The following PLEKHH2 variants were observed in gnomAD, a reference collection of about 807,000 sequenced individuals.
PLEKHH2 encodes the protein pleckstrin homology, MyTH4 and FERM domain containing H2, also known as pleckstrin homology domain-containing family H member 2.
In PLEKHH2, 129 loss-of-function variants were observed where a neutral mutation model predicts 187.9. The observed-to-expected ratio is 0.69, with a 90% confidence interval of 0.59 to 0.79. The LOEUF (loss-of-function observed/expected upper bound fraction) is 0.79, where lower values mean the gene tolerates loss of function less well. PLEKHH2 is among the 30% of genes least tolerant of loss of function. The pLI is 0.00. For missense variants in PLEKHH2, 2,076 were observed against 1,751.2 expected (o/e 1.19, Z -3.31); for synonymous variants, 686 against 605.6 (o/e 1.13, Z -1.95).
chr2:43,681,578 C>A, intron 3 of PLEKHH2: 1 of 945,004 alleles, frequency 1.1e-6, no homozygotes, highest in Non-Finnish European at 1.7e-6. Flanking sequence ...ACCTTCGGCA[C>A]TCATGACTAG....
chr2:43,757,299 G>A, intron 26 of PLEKHH2, 35 bp downstream of exon 26: 1 of 1,402,766 alleles, frequency 7.1e-7, no homozygotes, highest in Non-Finnish European at 9.4e-7. Context: ...ATAGGGTAGG[G>A]TCATACTAGT....
At chr2:43,712,488 T>A in intron 15 of PLEKHH2, 105 bp downstream of exon 15, 2 of 1,321,670 alleles carry the variant, frequency 1.5e-6, no homozygotes, top group Non-Finnish European at 2.1e-6. Flanking sequence ...AATATTGATA[T>A]GATCTTGGGG....
chr2:43,759,071 T>G, intron 27 of PLEKHH2, 42 bp downstream of exon 27: 2 of 1,582,278 alleles, frequency 1.3e-6, no homozygotes, highest in Non-Finnish European at 1.7e-6. Context: ...AAAACCTTTG[T>G]GTACATAGTT....
chr2:43,719,023 A>G (rs1313309516), intron 15 of PLEKHH2, among the ~76,000 whole-genome samples: 1 of 152,218 alleles, frequency 6.6e-6, no homozygotes, highest in Non-Finnish European at 1.5e-5. Context: ...TGAGGACGGA[A>G]GCATTTATTG....
intron 1 of PLEKHH2, among the ~76,000 whole-genome samples, chr2:43,642,839 G>A (rs78324357): frequency 0.026 from 3,973 of 152,110 alleles, 54 homozygotes; most frequent in South Asian, 0.063. Flanking sequence ...GTAGGACATA[G>A]GCAAGTTATT....
chr2:43,668,142 C>T (rs556073571), intron 2 of PLEKHH2, among the ~76,000 whole-genome samples: 2 of 152,202 alleles, frequency 1.3e-5, no homozygotes, highest in South Asian at 4.1e-4. Context: ...AAGTGATTCT[C>T]CTGCCTCAGC....
At position 43,740,952 on chromosome 2, in the gene PLEKHH2, C is replaced by A. The variant is rs1007105597; in HGVS notation, c.3130C>A (p.Gln1044Lys). The change falls in exon 21 of 30, where the codon CAG becomes AAG. Residue 1044 changes from glutamine (Q) to lysine (K), a missense_variant. Physicochemically the swap from Gln to Lys is moderately conservative, Grantham distance 53. Transcript: ENST00000282406. ...QNQPGPLQGW[Q>K]LLALCVGLFL... ...GGTGCTTCTCCCTGCCCAGGGCTGG[C>A]AGCTCTTGGCACTCTGCGTTGGGCT... 6.2e-7 allele frequency: 1 copy of A among 1,613,626 alleles called. No individual in the cohort carries two copies. Among genetic ancestry groups the A allele is most frequent in the Admixed American group, 1.7e-5 (1 of 59,980 alleles).
chr2:43,698,737 A>G (rs1396940319), intron 7 of PLEKHH2, among the ~76,000 whole-genome samples: 2 of 152,140 alleles, frequency 1.3e-5, no homozygotes, highest in Non-Finnish European at 2.9e-5. Flanking sequence ...GGTCCTGTCT[A>G]TGTTTTCATG....
At chr2:43,686,166 TTCTTC>T (rs1668493785) in intron 3 of PLEKHH2, among the ~76,000 whole-genome samples, 1 of 151,612 alleles carries the variant, frequency 6.6e-6, no homozygotes, top group African/African-American at 2.4e-5. Context: ...TTCCTCTTCC[TTCTTC>T]CTCTTCCTCT....
At chr2:43,660,435 CTTTT>C (rs747756407) in intron 2 of PLEKHH2, among the ~76,000 whole-genome samples, 4 of 72,210 alleles carry the variant, frequency 5.5e-5, no homozygotes, top group African/African-American at 9.6e-5. Context: ...ATATGTTTAA[CTTTT>C]TTTTTTTTTT....
intron 24 of PLEKHH2, among the ~76,000 whole-genome samples, chr2:43,748,777 A>G (rs1488567203): frequency 6.7e-6 from 1 of 149,238 alleles, no homozygotes; most frequent in African/African-American, 2.5e-5. Context: ...TTTTTTTGAG[A>G]CAGAACTTCA....
chr2:43,706,384 A>G lies in PLEKHH2; in HGVS notation c.1789A>G (p.Met597Val). 2 of 1,605,758 alleles carry G rather than the reference A, an allele frequency of 1.2e-6. No homozygotes were observed. The highest frequency in any genetic ancestry group is 2.2e-5 in the East Asian group (1 of 44,810). The change falls in exon 10 of 30, where the codon ATG becomes GTG. Residue 597 changes from methionine (M) to valine (V), a missense_variant. Coordinates refer to ENST00000282406, the MANE Select transcript of PLEKHH2 (RefSeq NM_172069.4). ...TTATACATCTCTGATATACAAGAAC[A>G]TGACCACCCCAGTGTATACAACTTT... ...GLYTSLIYKN[M>V]TTPVYTTLKG...
chr2:43,674,050 G>A (rs1045350672), intron 2 of PLEKHH2, among the ~76,000 whole-genome samples: 1 of 152,086 alleles, frequency 6.6e-6, no homozygotes, highest in Non-Finnish European at 1.5e-5. Flanking sequence ...GGTACTTTAG[G>A]CATGACAGAG....
chr2:43,699,095 C>A (rs1421039335), intron 7 of PLEKHH2, among the ~76,000 whole-genome samples: 1 of 152,048 alleles, frequency 6.6e-6, no homozygotes, highest in Non-Finnish European at 1.5e-5. Context: ...CATTTTCTTT[C>A]CTTCTAAAAT....
At chr2:43,652,130 A>G (rs754478128) in intron 2 of PLEKHH2, among the ~76,000 whole-genome samples, 3 of 152,272 alleles carry the variant, frequency 2.0e-5, no homozygotes, top group South Asian at 2.1e-4. Context: ...GGACTAGTGC[A>G]CTCCAATTCA....
chr2:43,668,129 T>A (rs1667310162), intron 2 of PLEKHH2, among the ~76,000 whole-genome samples: 2 of 152,006 alleles, frequency 1.3e-5, no homozygotes, highest in South Asian at 4.2e-4. Flanking sequence ...GCCACCCGGG[T>A]TCAAGTGATT....
chr2:43,705,094 C>T (rs182618356), intron 9 of PLEKHH2, among the ~76,000 whole-genome samples: 1 of 151,990 alleles, frequency 6.6e-6, no homozygotes, highest in African/African-American at 2.4e-5. Flanking sequence ...AAAATAAAAC[C>T]AAACAACAAG....
Position 43,710,339 on chromosome 2 carries a change from A to C in PLEKHH2, c.2214+9A>C. On this transcript the variant is annotated intron_variant, in intron 13 of 29. Coordinates refer to ENST00000282406, the MANE Select transcript of PLEKHH2 (RefSeq NM_172069.4). ...TTTACTACAAATCTCCGGTGAGTGG[A>C]AAGTGTTTTCTGTTTAGAACGTAAT... is the stretch of plus-strand genomic sequence containing the variant. The C allele has an allele frequency of 2.5e-6, 4 of 1,611,430 alleles. No homozygotes were observed. The highest frequency in any genetic ancestry group is 3.4e-6 in the Non-Finnish European group (4 of 1,177,686).
At chr2:43,674,916 C>A (rs1006457476) in intron 2 of PLEKHH2, among the ~76,000 whole-genome samples, 2 of 150,744 alleles carry the variant, frequency 1.3e-5, no homozygotes, top group African/African-American at 4.9e-5. Context: ...ACCCGGGAGG[C>A]GGAGGTTGCA....
Sources: gnomAD v4.1 joint callset for allele counts (sites outside exome capture counted in the v4.1 genomes callset) on GRCh38, gnomAD v4.1.1 for gene constraint, MANE v1.5 for transcripts, NCBI Gene and HGNC (gene_info 2026-07-23, HGNC 2026-07-21) for gene names.